Variants in NRXN1 observed in about 807,000 individuals in gnomAD.
The protein encoded by NRXN1 is neurexin-1.
Under a neutral mutation model 150.9 loss-of-function variants are expected in NRXN1, and 39 were observed. That is an observed-to-expected ratio of 0.26 (90% CI 0.20 to 0.34). The LOEUF is 0.34. Among genes scored for constraint, NRXN1 ranks in the 10% least tolerant of loss-of-function variants. The pLI, the probability that NRXN1 is intolerant of heterozygous loss-of-function variation, is 1.00. For synonymous variants in NRXN1, 924 were observed against 757.0 expected (o/e 1.22, Z -3.62); for missense variants, 1,815 against 1,949.9 (o/e 0.93, Z 1.30).
intron 21 of NRXN1, among the ~76,000 whole-genome samples, chr2:49,944,163 T>C (rs1434638706): frequency 2.6e-5 from 4 of 152,210 alleles, no homozygotes; most frequent in South Asian, 4.1e-4. Context: ...GTGGGCTTTA[T>C]GTAGTACTTG....
chr2:51,028,172 C>G lies in NRXN1; in HGVS notation c.102G>C (p.Pro34=), dbSNP rs1381510304. 1.3e-6 allele frequency: 2 copies of G among 1,515,704 alleles called. No individual in the cohort carries two copies. Among genetic ancestry groups the G allele is most frequent in the Admixed American group, 2.0e-5 (1 of 50,490 alleles). 93.9% of individuals were successfully genotyped at this position (1,515,704 alleles called of 1,614,324 possible). A position where few individuals can be genotyped will look rare whatever the true frequency, so the allele number is the denominator to read the frequency against. The change falls in exon 2 of 23, where the codon CCG becomes CCC. Residue 34 remains proline (P), a synonymous_variant. Coordinates refer to ENST00000401669, the MANE Select transcript of NRXN1 (RefSeq NM_001330078.2). ...AGCGCGTCCATTGGCCCTCGGCGCC[C>G]GGAAACTCCAGCCCGCTGCCCAGCT... ...WAELGSGLEF[P]GAEGQWTRFP...
chr2:50,131,978 G>A (rs1033226018), intron 18 of NRXN1, among the ~76,000 whole-genome samples: 2 of 152,202 alleles, frequency 1.3e-5, no homozygotes, highest in Non-Finnish European at 2.9e-5. Flanking sequence ...GTGTGTGCGT[G>A]TGTATGTGTG....
chr2:49,957,740 G>T (rs1675230342), intron 21 of NRXN1, among the ~76,000 whole-genome samples: 2 of 152,114 alleles, frequency 1.3e-5, no homozygotes, highest in Admixed American at 1.3e-4. Flanking sequence ...GTAAAGAGAA[G>T]GAAACCCTAA....
intron 19 of NRXN1, among the ~76,000 whole-genome samples, chr2:50,089,075 A>G (rs1441502814): frequency 6.6e-6 from 1 of 152,226 alleles, no homozygotes; most frequent in African/African-American, 2.4e-5. Flanking sequence ...GTCCAAGTAT[A>G]GATATTTTAA....
chr2:50,744,315 GA>G (rs2105291030), intron 5 of NRXN1, among the ~76,000 whole-genome samples: 1 of 152,088 alleles, frequency 6.6e-6, no homozygotes, highest in African/African-American at 2.4e-5. Flanking sequence ...AAAAAAGAAT[GA>G]ACAGCAAAGA....
At chr2:50,316,041 C>T (rs1420183157) in intron 17 of NRXN1, among the ~76,000 whole-genome samples, 1 of 152,026 alleles carries the variant, frequency 6.6e-6, no homozygotes, top group African/African-American at 2.4e-5. Flanking sequence ...CCTGATAATG[C>T]TTAAGAAAGG....
intron 21 of NRXN1, chr2:50,023,678 C>T (rs1015702673): frequency 2.0e-5 from 3 of 152,104 alleles, no homozygotes; most frequent in Admixed American, 6.5e-5. Flanking sequence ...CAATTCACTT[C>T]GGGGCCGAAT....
At chr2:50,511,463 G>A (rs1573333065) in intron 12 of NRXN1, among the ~76,000 whole-genome samples, 1 of 152,296 alleles carries the variant, frequency 6.6e-6, no homozygotes, top group East Asian at 1.9e-4. Flanking sequence ...GTCTGTCAGT[G>A]CTTGTCAACA....
At chr2:50,491,170 T>G (rs532440793) in intron 15 of NRXN1, among the ~76,000 whole-genome samples, 1 of 152,280 alleles carries the variant, frequency 6.6e-6, no homozygotes, top group South Asian at 2.1e-4. Flanking sequence ...AGCCTGGGCA[T>G]GTTTAAATGT....
At chr2:49,987,002 C>T (rs1481008096) in intron 21 of NRXN1, among the ~76,000 whole-genome samples, 4 of 151,806 alleles carry the variant, frequency 2.6e-5, no homozygotes, top group African/African-American at 9.7e-5. Flanking sequence ...CAGGTTGAGG[C>T]TGCAGTGAGC....
At chr2:50,501,777 G>A (rs1372868226) in intron 13 of NRXN1, among the ~76,000 whole-genome samples, 1 of 152,004 alleles carries the variant, frequency 6.6e-6, no homozygotes, top group Non-Finnish European at 1.5e-5. Flanking sequence ...CTCCTTCCTT[G>A]GGCTTCTCTG....
At chr2:50,989,910 C>T (rs939135040) in intron 2 of NRXN1, among the ~76,000 whole-genome samples, 72 of 152,030 alleles carry the variant, frequency 4.7e-4, no homozygotes, top group African/African-American at 1.5e-3. Context: ...CCCAAAACAA[C>T]TTTATCATTT....
chr2:50,402,902 A>C (rs868304152), intron 17 of NRXN1, among the ~76,000 whole-genome samples: 1 of 152,176 alleles, frequency 6.6e-6, no homozygotes, highest in African/African-American at 2.4e-5. Context: ...CAAAAACATA[A>C]GAAGAGAAGG....
intron 5 of NRXN1, among the ~76,000 whole-genome samples, chr2:50,828,820 A>G (rs556686593): frequency 5.9e-5 from 9 of 152,214 alleles, no homozygotes; most frequent in African/African-American, 2.2e-4. Context: ...CACTTCCCAG[A>G]CGGGGTGGCG....
chr2:50,866,627 C>T (rs1676976644), intron 5 of NRXN1, among the ~76,000 whole-genome samples: 2 of 151,896 alleles, frequency 1.3e-5, no homozygotes. Flanking sequence ...TTACACGCCT[C>T]TTTAAGGGCA....
intron 17 of NRXN1, among the ~76,000 whole-genome samples, chr2:50,255,649 C>T (rs183696657): frequency 1.0e-3 from 152 of 152,210 alleles, no homozygotes; most frequent in Admixed American, 1.9e-3. Flanking sequence ...GGATAGAACA[C>T]TCAGAGGTGA....
Position 50,078,242 on chromosome 2 carries a change from T to A in NRXN1, c.3718+13081A>T, listed in dbSNP as rs1479436729. Among the ~76,000 whole-genome samples, 7 of 152,058 alleles carry A rather than the reference T, an allele frequency of 4.6e-5. No individual in the cohort carries two copies. In the South Asian group the frequency reaches 6.2e-4, roughly 14 times the overall value. On this transcript the variant is annotated intron_variant, in intron 19 of 22. Coordinates refer to ENST00000401669, the MANE Select transcript of NRXN1 (RefSeq NM_001330078.2). ...CAATAAACACATGAACATGTCAAAA[T>A]TTTTTTTAACAACAAATGCATTTGA... is the stretch of plus-strand genomic sequence containing the variant.
At chr2:49,991,238 A>T (rs756815146) in intron 21 of NRXN1, among the ~76,000 whole-genome samples, 5 of 152,088 alleles carry the variant, frequency 3.3e-5, no homozygotes, top group Non-Finnish European at 7.4e-5. Flanking sequence ...CTACTGCAAT[A>T]AGACAAGAAA....
chr2:50,962,978 G>A (rs1693452788), intron 2 of NRXN1, among the ~76,000 whole-genome samples: 1 of 151,598 alleles, frequency 6.6e-6, no homozygotes, highest in Non-Finnish European at 1.5e-5. Flanking sequence ...AGGGATTAAG[G>A]AATGTCTCTC....
Sources: allele counts gnomAD v4.1 joint callset (sites outside exome capture counted in the v4.1 genomes callset), GRCh38; gene constraint gnomAD v4.1.1; transcripts MANE v1.5; gene names NCBI Gene and HGNC (gene_info 2026-07-23, HGNC 2026-07-21).